MYOF: variants seen among roughly 807,000 people sequenced by gnomAD.
MYOF encodes the protein myoferlin, also known as fer-1-like 3, myoferlin.
MYOF carries 244 observed loss-of-function variants against 284.2 expected under a neutral mutation model. The ratio of observed to expected loss-of-function variants is 0.86; its 90% CI spans 0.77 to 0.95. The LOEUF (loss-of-function observed/expected upper bound fraction) is 0.95. Ranked by LOEUF, MYOF falls within the 40% of genes least tolerant of loss-of-function variation. The pLI is 0.00. For synonymous variants in MYOF, 904 were observed against 919.7 expected (o/e 0.98, Z 0.31); for missense variants, 2,496 against 2,560.6 (o/e 0.97, Z 0.54).
intron 7 of MYOF, among the ~76,000 whole-genome samples, chr10:93,405,122 CTTT>C (rs1301087863): frequency 7.0e-6 from 1 of 143,020 alleles, no homozygotes; most frequent in Non-Finnish European, 1.5e-5. Flanking sequence ...TGCTTTATCT[CTTT>C]TTTAAACTGA....
chr10:93,350,965 G>A (rs1347566884), intron 35 of MYOF, among the ~76,000 whole-genome samples: 1 of 152,162 alleles, frequency 6.6e-6, no homozygotes, highest in East Asian at 1.9e-4. Flanking sequence ...AAACCTGCTG[G>A]CTCCCAGTAA....
At chr10:93,372,432 A>G (rs994887372) in intron 24 of MYOF, among the ~76,000 whole-genome samples, 1 of 152,212 alleles carries the variant, frequency 6.6e-6, no homozygotes, top group Non-Finnish European at 1.5e-5. Flanking sequence ...CAGGCACTTA[A>G]GAGAGTCTAT....
At chr10:93,328,089 A>C (rs1429607293) in intron 45 of MYOF, among the ~76,000 whole-genome samples, 4 of 152,094 alleles carry the variant, frequency 2.6e-5, no homozygotes, top group African/African-American at 9.7e-5. Flanking sequence ...CGTTTTTTAC[A>C]ATGTCACGAA....
At position 93,323,173 on chromosome 10, in the gene MYOF, T is replaced by A. The variant is rs1307451310; in HGVS notation, c.5361A>T (p.Lys1787Asn). The A allele has an allele frequency of 1.9e-6, 3 of 1,613,982 alleles. No individual in the cohort carries two copies. Among genetic ancestry groups the A allele is most frequent in the Middle Eastern group, 1.6e-4 (1 of 6,084 alleles). ...TCCAGATGATCACACGCAGGTAGTA[T>A]CTGCAAGAAGCACAGTTGGAAGGTA... The part of the protein sequence containing the change: ...PFNITPRKAK[K>N]YYLRVIIWNT... The change falls in exon 48 of 54, where the codon AAA (lysine) becomes AAT (asparagine). Residue 1787 changes from lysine to asparagine, a missense_variant and splice_region_variant. Lys to Asn is a moderately conservative substitution (Grantham distance 94, BLOSUM62 0). This residue lies in a region of MYOF where 2,436 missense variants were observed against 2,480.7 expected (regional missense o/e 0.98). Transcript: ENST00000359263.
intron 2 of MYOF, among the ~76,000 whole-genome samples, chr10:93,453,247 C>A (rs1008566794): frequency 4.6e-5 from 7 of 152,044 alleles, no homozygotes; most frequent in African/African-American, 1.4e-4. Context: ...CTCACAGCAA[C>A]CTCCACTTCC....
chr10:93,458,972 C>T lies in MYOF; in HGVS notation c.89-2035G>A, dbSNP rs751348418. Among the ~76,000 whole-genome samples, 13 of 152,336 alleles carry T rather than the reference C, an allele frequency of 8.5e-5. No individual in the cohort carries two copies. In the East Asian group the frequency reaches 1.5e-3, roughly 18 times the overall value. On this transcript the variant is annotated intron_variant, in intron 1 of 53. Transcript: ENST00000359263. ...TTCCAAGACCTCAGCATAGCAAGGC[C>T]GTGAGTCATGGACCTCACTCTGCTA...
intron 13 of MYOF, among the ~76,000 whole-genome samples, chr10:93,398,342 C>T (rs2134074288): frequency 6.6e-6 from 1 of 152,324 alleles, no homozygotes; most frequent in African/African-American, 2.4e-5. Context: ...AAACACTCCT[C>T]CCCTGCACCA....
chr10:93,320,805 C>T (rs540922393), intron 48 of MYOF, among the ~76,000 whole-genome samples: 1 of 152,020 alleles, frequency 6.6e-6, no homozygotes, highest in Non-Finnish European at 1.5e-5. Context: ...ATGGTTTTCT[C>T]GAAACTGCAC....
intron 24 of MYOF, among the ~76,000 whole-genome samples, chr10:93,371,032 T>C (rs544539616): frequency 6.6e-5 from 10 of 151,074 alleles, no homozygotes; most frequent in Admixed American, 4.6e-4. Context: ...GACTTTCTGA[T>C]AAGTGATATT....
At chr10:93,439,308 A>T (rs1202325195) in intron 3 of MYOF, among the ~76,000 whole-genome samples, 2 of 152,216 alleles carry the variant, frequency 1.3e-5, no homozygotes, top group Non-Finnish European at 2.9e-5. Context: ...CTCCTCTGGC[A>T]TGGAGGAGAT....
intron 17 of MYOF, among the ~76,000 whole-genome samples, chr10:93,392,219 C>T (rs920757849): frequency 6.6e-6 from 1 of 152,196 alleles, no homozygotes; most frequent in Non-Finnish European, 1.5e-5. Context: ...CACACAGCTT[C>T]AGAGTTTGCA....
At chr10:93,417,870 C>T (rs951568281) in intron 5 of MYOF, among the ~76,000 whole-genome samples, 2 of 152,150 alleles carry the variant, frequency 1.3e-5, no homozygotes, top group South Asian at 2.1e-4. Context: ...AAACATTCTG[C>T]CTCTCCTCTC....
At position 93,310,565 on chromosome 10, in the gene MYOF, G is replaced by T. The variant is rs753255957; in HGVS notation, c.5968C>A (p.Pro1990Thr). 6.2e-7 allele frequency: 1 copy of T among 1,614,092 alleles called. No individual in the cohort carries two copies. Among genetic ancestry groups the T allele is most frequent in the Non-Finnish European group, 8.5e-7 (1 of 1,180,004 alleles). Residue 1990 changes from proline to threonine, a missense_variant, in exon 52 of 54, where the codon CCC becomes ACC. By Grantham distance (38) the Pro-to-Thr change is conservative. Transcript: ENST00000359263. The stretch of plus-strand genomic sequence containing the variant: ...AAGTCCAGCTTGGGGTTCATGTTGG[G>T]TTCGTCCCGCCCCTTCCCGGCTGGC... Reference protein sequence around the residue: ...ERPAGKGRDEPNMNPKLDLPN... With the variant: ...ERPAGKGRDETNMNPKLDLPN...
chr10:93,325,779 C>A, intron 46 of MYOF, 47 bp downstream of exon 46: 2 of 1,559,216 alleles, frequency 1.3e-6, no homozygotes, highest in Admixed American at 2.1e-5. Flanking sequence ...ACTGCCATTG[C>A]ATTTGGGGCA....
intron 1 of MYOF, 29 bp from the exon 2 acceptor site, chr10:93,456,966 A>G: frequency 6.5e-7 from 1 of 1,541,322 alleles, no homozygotes; most frequent in Non-Finnish European, 8.8e-7. Flanking sequence ...AAGAGACAGC[A>G]ATCATTTATA....
intron 1 of MYOF, chr10:93,478,061 A>C (rs781006162): frequency 1.0e-4 from 19 of 181,736 alleles, no homozygotes; most frequent in Non-Finnish European, 1.9e-4. Context: ...GTGTGGGGAG[A>C]ATTTTCACTT....
At chr10:93,428,814 TAAA>T (rs1848711026) in intron 4 of MYOF, among the ~76,000 whole-genome samples, 1 of 152,160 alleles carries the variant, frequency 6.6e-6, no homozygotes, top group Non-Finnish European at 1.5e-5. Context: ...GCTTAGTTGC[TAAA>T]CTGAATCTAA....
intron 50 of MYOF, 91 bp from the exon 51 acceptor site, chr10:93,313,301 G>GCACA (rs1842479058): frequency 1.6e-6 from 2 of 1,226,876 alleles, no homozygotes; most frequent in East Asian, 4.8e-5. Context: ...CAGGAGAGAG[G>GCACA]CACACAGTGA....
At chr10:93,351,596 A>G in intron 33 of MYOF, 25 bp from the exon 34 acceptor site, 1 of 1,611,992 alleles carries the variant, frequency 6.2e-7, no homozygotes, top group Non-Finnish European at 8.5e-7. Context: ...TGATCCTTAA[A>G]TTCCCCGACA....
Sources: gnomAD v4.1 joint callset for allele counts (sites outside exome capture counted in the v4.1 genomes callset) on GRCh38, gnomAD v4.1.1 for gene constraint, gnomAD v4.1.1 regional missense constraint, MANE v1.5 for transcripts, NCBI Gene and HGNC (gene_info 2026-07-23, HGNC 2026-07-21) for gene names.